Variants in USP9X observed in about 807,000 individuals in gnomAD.
USP9X encodes the protein ubiquitin carboxyl-terminal hydrolase 9X.
USP9X carries 7 observed loss-of-function variants against 190.3 expected under a neutral mutation model. The ratio of observed to expected loss-of-function variants is 0.04; its 90% confidence interval spans 0.02 to 0.07. The LOEUF (loss-of-function observed/expected upper bound fraction) is 0.07, where lower values mean the gene tolerates loss of function less well. Ranked by LOEUF, USP9X falls within the 10% of genes least tolerant of loss-of-function variation. The probability of loss-of-function intolerance (pLI) is 1.00; values close to 1 mark genes in which losing one functional copy is unlikely to be tolerated. For missense variants in USP9X, 1,010 were observed against 1,916.9 expected, an observed-to-expected ratio of 0.53 and a Z score of 8.83; for synonymous variants, 645 against 659.5, an observed-to-expected ratio of 0.98 and a Z score of 0.34.
chrX:41,168,347 A>G (rs2062695310), intron 18 of USP9X, 129 bp downstream of exon 18: 1 of 593,569 alleles, frequency 1.7e-6, no homozygotes, highest in South Asian at 5.4e-5. Flanking sequence ...AAACATTTTC[A>G]TTTCATCTAA....
chrX:41,174,642 T>A (rs2062757765), intron 21 of USP9X, among the ~76,000 whole-genome samples: 1 of 111,888 alleles, frequency 8.9e-6, no homozygotes, highest in Non-Finnish European at 1.9e-5. Context: ...CTGACGATGA[T>A]CACTGTGATC....
chrX:41,182,762 C>T (rs1371204455), intron 21 of USP9X, among the ~76,000 whole-genome samples: 1 of 110,233 alleles, frequency 9.1e-6, no homozygotes, highest in African/African-American at 3.3e-5. Context: ...TTCAATGACA[C>T]GAGAAGATAT....
intron 1 of USP9X, among the ~76,000 whole-genome samples, chrX:41,094,515 C>T (rs754601863): frequency 5.4e-5 from 6 of 110,464 alleles, no homozygotes; most frequent in African/African-American, 1.6e-4. Context: ...TTATCTGAGC[C>T]ATATCAATGT....
Position 41,205,902 on chromosome X carries a change from T to G in USP9X, c.5015+409T>G, listed in dbSNP as rs757587441. 4.8e-5 allele frequency among the ~76,000 whole-genome samples: 5 copies of G among 103,253 alleles called. No homozygotes were observed. In the South Asian group the frequency reaches 2.2e-3, roughly 46 times the overall value. The allele number at this position is 103,253 out of a possible 115,157, so 89.7% of individuals were successfully genotyped here. A position where few individuals can be genotyped will look rare whatever the true frequency, so the allele number is the denominator to read the frequency against. On this transcript the variant is annotated intron_variant, in intron 32 of 44. Coordinates refer to ENST00000378308, the MANE Select transcript of USP9X (RefSeq NM_001039591.3). ...TTTTCTTTTTCTTTTTTTCTTTTTT[T>G]TTTTTGAGATGGAGTTTTGCTCTTG...
intron 6 of USP9X, among the ~76,000 whole-genome samples, chrX:41,140,103 T>C (rs1284785771): frequency 1.8e-5 from 2 of 111,742 alleles, no homozygotes; most frequent in African/African-American, 6.5e-5. Context: ...GGGTGCAATT[T>C]GTATAAGCAA....
At chrX:41,143,065 A>G (rs1005741804) in intron 9 of USP9X, among the ~76,000 whole-genome samples, 2 of 111,677 alleles carry the variant, frequency 1.8e-5, no homozygotes, top group African/African-American at 6.5e-5. Flanking sequence ...GCTGGAGTGT[A>G]GAATCTTCTT....
chrX:41,200,684 C>T (rs894154562), intron 30 of USP9X, among the ~76,000 whole-genome samples: 1 of 112,304 alleles, frequency 8.9e-6, no homozygotes, highest in African/African-American at 3.2e-5. Flanking sequence ...GATAACATTT[C>T]ATTCCTTGCC....
intron 6 of USP9X, among the ~76,000 whole-genome samples, chrX:41,139,744 TCTTTA>T (rs924649774): frequency 1.8e-5 from 2 of 112,154 alleles, no homozygotes; most frequent in Non-Finnish European, 1.9e-5. Context: ...CCATTTAGCA[TCTTTA>T]CTTTTTCCTG....
intron 21 of USP9X, among the ~76,000 whole-genome samples, chrX:41,174,787 G>C (rs2062758876): frequency 9.0e-6 from 1 of 111,217 alleles, no homozygotes; most frequent in Non-Finnish European, 1.9e-5. Flanking sequence ...TTGAGGCCGG[G>C]AGTTCGAGAC....
intron 15 of USP9X, among the ~76,000 whole-genome samples, chrX:41,164,939 A>T (rs1231610095): frequency 8.9e-6 from 1 of 111,836 alleles, no homozygotes; most frequent in African/African-American, 3.3e-5. Context: ...TTCCTCTCCC[A>T]ACAACTGGTG....
At chrX:41,165,618 T>G (rs1442934853) in intron 15 of USP9X, among the ~76,000 whole-genome samples, 1 of 112,168 alleles carries the variant, frequency 8.9e-6, no homozygotes, top group African/African-American at 3.2e-5. Flanking sequence ...AATCTTTTAT[T>G]CCTAATTCAG....
chrX:41,109,488 G>T (rs2062093265), intron 1 of USP9X, among the ~76,000 whole-genome samples: 1 of 112,282 alleles, frequency 8.9e-6, no homozygotes, highest in African/African-American at 3.2e-5. Context: ...ATTTCTAAAA[G>T]AATACATTTC....
chrX:41,217,189 ATG>A (rs1370147492), intron 35 of USP9X, 29 bp from the exon 36 acceptor site: 5 of 1,161,610 alleles, frequency 4.3e-6, no homozygotes, highest in East Asian at 3.1e-5. Context: ...GAAAATAAAA[ATG>A]TGTTTTTATA....
intron 5 of USP9X, 43 bp from the exon 6 acceptor site, chrX:41,136,761 A>G (rs751413255): frequency 1.1e-6 from 1 of 939,520 alleles, no homozygotes; most frequent in East Asian, 3.1e-5. Context: ...TTGAAATTGC[A>G]GTGTTTTGAT....
At chrX:41,230,893 T>C (rs754214091) in intron 44 of USP9X, among the ~76,000 whole-genome samples, 8 of 111,514 alleles carry the variant, frequency 7.2e-5, no homozygotes, top group Non-Finnish European at 1.3e-4. Flanking sequence ...GTGCAAAGGA[T>C]TGTGGTGACA....
intron 12 of USP9X, among the ~76,000 whole-genome samples, chrX:41,149,126 AGAAAAGCTCAG>A (rs1453374968): frequency 2.7e-5 from 3 of 112,214 alleles, no homozygotes; most frequent in African/African-American, 9.7e-5. Flanking sequence ...GTAAGAGCCA[AGAAAAGCTCAG>A]GAAGGTGTAT....
chrX:41,155,901 A>T (rs2062574501), intron 14 of USP9X, among the ~76,000 whole-genome samples: 1 of 112,249 alleles, frequency 8.9e-6, no homozygotes, highest in Non-Finnish European at 1.9e-5. Flanking sequence ...TCATGTTGAC[A>T]TGTCAAAAGG....
At chrX:41,104,825 T>A (rs921216947) in intron 1 of USP9X, among the ~76,000 whole-genome samples, 10 of 111,457 alleles carry the variant, frequency 9.0e-5, no homozygotes, top group African/African-American at 2.6e-4. Flanking sequence ...TAGAACATCA[T>A]CTGTTGTCGG....
chrX:41,212,206 G>T (rs1264163889), intron 33 of USP9X, among the ~76,000 whole-genome samples: 1 of 109,738 alleles, frequency 9.1e-6, no homozygotes, highest in Non-Finnish European at 1.9e-5. Flanking sequence ...TCCACTCAGG[G>T]TTGAATGGAT....
Sources: gnomAD v4.1 joint callset for allele counts (sites outside exome capture counted in the v4.1 genomes callset) on GRCh38, gnomAD v4.1.1 for gene constraint, MANE v1.5 for transcripts, NCBI Gene and HGNC (gene_info 2026-07-23, HGNC 2026-07-21) for gene names.